The following MEGF10 variants were observed in gnomAD, a reference collection of about 807,000 sequenced individuals.
MEGF10 encodes the protein multiple EGF like domains 10.
Under a neutral mutation model 147.5 loss-of-function variants are expected in MEGF10, and 86 were observed. The observed-to-expected ratio is 0.58, with a 90% CI of 0.49 to 0.70. MEGF10 has a LOEUF of 0.70. MEGF10 is among the 30% of genes least tolerant of loss of function. The pLI is 0.00. For synonymous variants in MEGF10, 478 were observed against 525.5 expected (o/e 0.91, Z 1.24); for missense variants, 1,329 against 1,487.3 (o/e 0.89, Z 1.75).
At chr5:127,450,402 G>C (rs1484152383) in intron 22 of MEGF10, among the ~76,000 whole-genome samples, 1 of 152,124 alleles carries the variant, frequency 6.6e-6, no homozygotes, top group Non-Finnish European at 1.5e-5. Flanking sequence ...CCTGAAAAGG[G>C]GGCAGGAATG....
chr5:127,400,459 C>G lies in MEGF10; in HGVS notation c.780+1663C>G, dbSNP rs868137527. ...TTTGTCTTGGTTAAAACTAACACTT[C>G]TCTCTTAGTTGTCTGAGGTAAAGAA... On this transcript the variant is annotated intron_variant, in intron 7 of 24. Transcript: ENST00000503335. 1.4e-4 allele frequency among the ~76,000 whole-genome samples: 22 copies of G among 152,344 alleles called. 1 individual carries two copies. Among genetic ancestry groups the G allele is most frequent in the Non-Finnish European group, 3.1e-4 (21 of 68,030 alleles).
chr5:127,376,890 A>T (rs1022930830), intron 5 of MEGF10, among the ~76,000 whole-genome samples: 1 of 152,186 alleles, frequency 6.6e-6, no homozygotes, highest in Non-Finnish European at 1.5e-5. Flanking sequence ...AGTAACTTTA[A>T]TCACCGTGGT....
rs1762456236 is a variant in MEGF10 at position 127,361,100 on chromosome 5, T to C, written c.320-8810T>C. Among the ~76,000 whole-genome samples, 3 of 151,962 alleles carry C rather than the reference T, an allele frequency of 2.0e-5. No homozygotes were observed. In the South Asian group the frequency reaches 6.2e-4, roughly 31 times the overall value. ...GTCTCTGGCCTTCAATTTTCTGGAA[T>C]AAGTTTTTTTTAGAATTGGTATTAT... is the stretch of plus-strand genomic sequence containing the variant. On this transcript the variant is annotated intron_variant, in intron 4 of 24. Coordinates refer to ENST00000503335, the MANE Select transcript of MEGF10 (RefSeq NM_001256545.2).
intron 4 of MEGF10, among the ~76,000 whole-genome samples, chr5:127,359,105 TTAG>T (rs1481353296): frequency 6.6e-6 from 1 of 151,930 alleles, no homozygotes; most frequent in Non-Finnish European, 1.5e-5. Flanking sequence ...GAGGAAAAGC[TTAG>T]TAGAACATCA....
chr5:127,334,465 C>T (rs1244060321), intron 2 of MEGF10, among the ~76,000 whole-genome samples: 2 of 152,150 alleles, frequency 1.3e-5, no homozygotes, highest in African/African-American at 4.8e-5. Context: ...AACAAAAATA[C>T]TTCCATCAAT....
At chr5:127,272,126 T>C in the MEGF10 span, among the ~76,000 whole-genome samples, 24 of 152,040 alleles carry the variant, frequency 1.6e-4, no homozygotes, top group Non-Finnish European at 3.2e-4. Flanking sequence ...AAAGAAGGAG[T>C]CCAGTTTCAA....
chr5:127,350,334 G>A (rs1762041738), intron 4 of MEGF10, among the ~76,000 whole-genome samples: 2 of 152,238 alleles, frequency 1.3e-5, no homozygotes, highest in South Asian at 4.2e-4. Context: ...TTGTTCCTAA[G>A]ATAAAAATTT....
chr5:127,410,741 C>G, intron 9 of MEGF10, 140 bp downstream of exon 9: 2 of 724,544 alleles, frequency 2.8e-6, no homozygotes, highest in Admixed American at 5.1e-5. Flanking sequence ...CAGGAATCGC[C>G]GAGTAAAAGG....
chr5:127,277,819 G>A, the MEGF10 span, among the ~76,000 whole-genome samples: 30 of 152,292 alleles, frequency 2.0e-4, no homozygotes, highest in Non-Finnish European at 3.5e-4. Flanking sequence ...ATGACACCAA[G>A]GTTTTTGATA....
intron 1 of MEGF10, among the ~76,000 whole-genome samples, chr5:127,294,620 G>A (rs916467508): frequency 3.2e-4 from 48 of 152,078 alleles, no homozygotes; most frequent in African/African-American, 1.1e-3. Context: ...CCAAAATGGC[G>A]AAATCCTGTC....
chr5:127,426,047 G>A (rs1031358210), intron 13 of MEGF10, among the ~76,000 whole-genome samples: 6 of 152,224 alleles, frequency 3.9e-5, no homozygotes, highest in African/African-American at 1.4e-4. Context: ...ACTGTGGGGA[G>A]AGGCTGATCA....
At chr5:127,414,487 A>G (rs757185059) in intron 9 of MEGF10, among the ~76,000 whole-genome samples, 1 of 152,116 alleles carries the variant, frequency 6.6e-6, no homozygotes, top group African/African-American at 2.4e-5. Context: ...CATCACAAAC[A>G]TGGTGACATT....
At chr5:127,422,620 T>C (rs1213977837) in intron 12 of MEGF10, 50 bp from the exon 13 acceptor site, 3 of 1,452,130 alleles carry the variant, frequency 2.1e-6, no homozygotes, top group South Asian at 2.3e-5. Context: ...TCTTCTGTTG[T>C]GGGATTTCCC....
chr5:127,400,198 G>T (rs1294169118), intron 7 of MEGF10, among the ~76,000 whole-genome samples: 1 of 152,206 alleles, frequency 6.6e-6, no homozygotes, highest in Non-Finnish European at 1.5e-5. Flanking sequence ...TAGAAATGGT[G>T]AGTAGCCCAG....
chr5:127,377,906 C>G (rs1014362072), intron 5 of MEGF10, among the ~76,000 whole-genome samples: 4 of 152,136 alleles, frequency 2.6e-5, no homozygotes, highest in Non-Finnish European at 4.4e-5. Flanking sequence ...GTTGGGTTCA[C>G]TGGTGTTAGG....
intron 4 of MEGF10, among the ~76,000 whole-genome samples, chr5:127,363,915 A>C (rs562880673): frequency 2.0e-5 from 3 of 152,298 alleles, no homozygotes; most frequent in East Asian, 3.9e-4. Flanking sequence ...GACCCCAAGT[A>C]AAACGTTATG....
intron 4 of MEGF10, among the ~76,000 whole-genome samples, chr5:127,352,948 G>C (rs1312879114): frequency 1.3e-5 from 2 of 152,212 alleles, no homozygotes; most frequent in Non-Finnish European, 2.9e-5. Context: ...GCCCTTCCTA[G>C]CTCTTGCACT....
chr5:127,229,879 TCGAGAAA>T, the MEGF10 span: 2 of 152,122 alleles, frequency 1.3e-5, no homozygotes, highest in African/African-American at 2.4e-5. Flanking sequence ...GGGCTGGACC[TCGAGAAA>T]CGTGTGCAAA....
intron 23 of MEGF10, 32 bp downstream of exon 23, chr5:127,454,642 G>T: frequency 1.3e-6 from 2 of 1,580,376 alleles, no homozygotes; most frequent in Non-Finnish European, 1.7e-6. Context: ...GAAATCAGAA[G>T]CACAATTAAA....
Sources: allele counts gnomAD v4.1 joint callset (sites outside exome capture counted in the v4.1 genomes callset), GRCh38; gene constraint gnomAD v4.1.1; transcripts MANE v1.5; gene names NCBI Gene and HGNC (gene_info 2026-07-23, HGNC 2026-07-21).